Variants in XPNPEP2 observed in about 807,000 individuals in gnomAD.
XPNPEP2 encodes the protein X-prolyl aminopeptidase 2.
In XPNPEP2, 64 loss-of-function variants were observed where a neutral mutation model predicts 59.8. The observed-to-expected ratio is 1.07, with a 90% CI of 0.87 to 1.32. The LOEUF (loss-of-function observed/expected upper bound fraction) is 1.32, where lower values mean the gene tolerates loss of function less well. Ranked by LOEUF, XPNPEP2 falls within the 40% of genes most tolerant of loss-of-function variation. XPNPEP2 has a pLI of 0.00. For missense variants in XPNPEP2, 575 were observed against 546.8 expected, an observed-to-expected ratio of 1.05 and a Z score of -0.51; for synonymous variants, 235 against 210.0, an observed-to-expected ratio of 1.12 and a Z score of -1.03.
At chrX:129,748,776 G>A (rs946869731) in intron 7 of XPNPEP2, among the ~76,000 whole-genome samples, 4 of 111,404 alleles carry the variant, frequency 3.6e-5, no homozygotes, top group African/African-American at 6.5e-5. Context: ...AAGTTATGTC[G>A]GGAAGGGGAA....
chrX:129,745,965 A>C (rs1296734196), intron 4 of XPNPEP2, among the ~76,000 whole-genome samples: 1 of 111,341 alleles, frequency 9.0e-6, no homozygotes, highest in African/African-American at 3.3e-5. Context: ...GAGCGCCTAC[A>C]TGCAGCCAAA....
At position 129,756,996 on chromosome X, in the gene XPNPEP2, C is replaced by CTATATATATATATATATA. The variant is rs61273791; in HGVS notation, c.1367+452_1367+469dup. Among the ~76,000 whole-genome samples, 51 of 70,403 alleles carry CTATATATATATATATATA rather than the reference C, an allele frequency of 7.2e-4. No homozygotes were observed. In the East Asian group the frequency reaches 0.011, roughly 15 times the overall value. 61.1% of individuals were successfully genotyped at this position (70,403 alleles called of 115,157 possible). A position where few individuals can be genotyped will look rare whatever the true frequency, so the allele number is the denominator to read the frequency against. On this transcript the variant is annotated intron_variant, in intron 14 of 20. Transcript: ENST00000371106. ...TACAGGTGTCCACCACCATGCCCAG[C>CTATATATATATATATATA]TATATATATATATATATATATATAT...
chrX:129,759,337 A>C, intron 15 of XPNPEP2, 97 bp downstream of exon 15: 22 of 1,054,367 alleles, frequency 2.1e-5, no homozygotes, highest in Non-Finnish European at 2.9e-5. Context: ...ACTGAAGCTC[A>C]GAGAGGTTAA....
intron 6 of XPNPEP2, 83 bp downstream of exon 6, chrX:129,746,764 G>A: frequency 1.1e-6 from 1 of 870,536 alleles, no homozygotes; most frequent in South Asian, 2.1e-5. Context: ...AATGGACCTT[G>A]GTAGAAGGAG....
At chrX:129,756,131 C>T (rs917832446) in intron 13 of XPNPEP2, among the ~76,000 whole-genome samples, 2 of 112,722 alleles carry the variant, frequency 1.8e-5, no homozygotes, top group African/African-American at 3.2e-5. Flanking sequence ...CGCTTTACCG[C>T]GCATCCTCGT....
chrX:129,744,138 TG>T, intron 3 of XPNPEP2, 67 bp downstream of exon 3: 3 of 982,623 alleles, frequency 3.1e-6, no homozygotes, highest in Non-Finnish European at 4.3e-6. Context: ...AAACAGGAGC[TG>T]TTAAAACTCA....
intron 19 of XPNPEP2, among the ~76,000 whole-genome samples, chrX:129,765,060 G>T (rs193274219): frequency 8.9e-6 from 1 of 112,316 alleles, no homozygotes; most frequent in African/African-American, 3.2e-5. Context: ...CACACACAGC[G>T]TATGTATCTA....
chrX:129,747,179 G>A (rs1295705564), intron 6 of XPNPEP2, among the ~76,000 whole-genome samples: 1 of 112,545 alleles, frequency 8.9e-6, no homozygotes, highest in Non-Finnish European at 1.9e-5. Context: ...CCCCAAAGGG[G>A]AGTCCTCATG....
chrX:129,758,552 A>G (rs1281897833), intron 14 of XPNPEP2, among the ~76,000 whole-genome samples: 3 of 111,270 alleles, frequency 2.7e-5, no homozygotes, highest in Admixed American at 1.9e-4. Context: ...ACTGGAACTC[A>G]GCAAGTCACT....
rs1390357648 is a variant in XPNPEP2, at chrX:129,742,126, C to A, written c.68C>A (p.Thr23Lys). Residue 23 changes from threonine to lysine, a missense_variant, in exon 2 of 21, where the codon ACA (threonine) becomes AAA (lysine). By Grantham distance (78) the Thr-to-Lys change is moderately conservative. Transcript: ENST00000371106. Reference sequence around the variant, plus strand: ...CTTCTAGCTTGTGCCTGGGGCCACACAAAGCCAGTGGACCTTGGAGGGCAG... The same window carrying A: ...CTTCTAGCTTGTGCCTGGGGCCACAAAAAGCCAGTGGACCTTGGAGGGCAG... ...VLLCACAWGH[T>K]KPVDLGGQDV... 2.5e-6 allele frequency: 3 copies of A among 1,211,047 alleles called. No individual in the cohort carries two copies. The highest frequency in any genetic ancestry group is 4.3e-5 in the Admixed American group (2 of 46,065).
At position 129,762,732 on chromosome X, in the gene XPNPEP2, C is replaced by G. The variant is rs759709597; in HGVS notation, c.1702C>G (p.Leu568Val). ...YYKDGEFGIRLEDVALVVEAK... is the reference protein window; with the variant it reads ...YYKDGEFGIRVEDVALVVEAK... Reference sequence around the variant, plus strand: ...TAAGGATGGAGAATTTGGGATCCGTCTCGAAGATGTGGCTCTCGTGGTAGA... The same window carrying G: ...TAAGGATGGAGAATTTGGGATCCGTGTCGAAGATGTGGCTCTCGTGGTAGA... Residue 568 changes from leucine to valine, a missense_variant, in exon 19 of 21, where the codon CTC (leucine) becomes GTC (valine). Leu to Val is a conservative substitution (Grantham distance 32, BLOSUM62 1). Coordinates refer to ENST00000371106, the MANE Select transcript of XPNPEP2 (RefSeq NM_003399.6). 1 of 1,211,916 alleles carries G rather than the reference C, an allele frequency of 8.3e-7. No homozygotes were observed. Among genetic ancestry groups the G allele is most frequent in the Admixed American group, 2.2e-5 (1 of 46,036 alleles).
chrX:129,768,272 C>G lies in XPNPEP2; in HGVS notation c.1831-19C>G. On this transcript the variant is annotated intron_variant, in intron 20 of 20. Coordinates refer to ENST00000371106, the MANE Select transcript of XPNPEP2 (RefSeq NM_003399.6). Reference sequence around the variant, plus strand: ...GCAGCTTGGCTTAGAGAGGCTGTCACCCCTTCTATCCTTCGCAGCTCCAGT... The same window carrying G: ...GCAGCTTGGCTTAGAGAGGCTGTCAGCCCTTCTATCCTTCGCAGCTCCAGT... 8.8e-7 allele frequency: 1 copy of G among 1,139,412 alleles called. No homozygotes were observed. Among genetic ancestry groups the G allele is most frequent in the Non-Finnish European group, 1.2e-6 (1 of 859,989 alleles). The allele number at this position is 1,139,412 out of a possible 1,213,427, so 93.9% of individuals were successfully genotyped here. A position where few individuals can be genotyped will look rare whatever the true frequency, so the allele number is the denominator to read the frequency against.
chrX:129,765,008 AG>A (rs1478868327), intron 19 of XPNPEP2, among the ~76,000 whole-genome samples: 1 of 112,052 alleles, frequency 8.9e-6, no homozygotes, highest in Non-Finnish European at 1.9e-5. Flanking sequence ...GGGAAAAAAA[AG>A]TCTCTTTCTT....
chrX:129,762,993 C>T (rs1168496523), intron 19 of XPNPEP2, among the ~76,000 whole-genome samples: 2 of 112,223 alleles, frequency 1.8e-5, no homozygotes, highest in Non-Finnish European at 3.8e-5. Context: ...TGCCCATGCC[C>T]AGGCCCCATT....
intron 3 of XPNPEP2, among the ~76,000 whole-genome samples, chrX:129,744,330 C>T (rs1926254906): frequency 8.9e-6 from 1 of 112,224 alleles, no homozygotes. Flanking sequence ...TTCATCAATT[C>T]CCAGAAGGCA....
At chrX:129,742,868 C>T (rs751609633) in intron 2 of XPNPEP2, among the ~76,000 whole-genome samples, 24 of 112,091 alleles carry the variant, frequency 2.1e-4, no homozygotes, top group African/African-American at 7.8e-4. Context: ...TGCCACTGCA[C>T]TCCAGTCTGG....
rs774724468 is a variant in XPNPEP2, at chrX:129,759,183, C to A, written c.1371C>A (p.Asp457Glu). ...YLLDSGGQYWDGTTDITRTVH... is the reference protein window; with the variant it reads ...YLLDSGGQYWEGTTDITRTVH... The stretch of plus-strand genomic sequence containing the variant: ...TGTTGGTTTTCCTTCTCCATAGGGA[C>A]GGGACCACAGACATCACCAGAACAG... The change falls in exon 15 of 21, where the codon GAC (aspartate) becomes GAA (glutamate). Residue 457 changes from aspartate to glutamate, a missense_variant. Transcript: ENST00000371106. 50 of 1,209,934 alleles carry A rather than the reference C, an allele frequency of 4.1e-5. No homozygotes were observed. The highest frequency in any genetic ancestry group is 5.1e-5 in the Non-Finnish European group (46 of 895,226).
chrX:129,747,559 T>G, intron 6 of XPNPEP2, 48 bp from the exon 7 acceptor site: 1 of 1,196,145 alleles, frequency 8.4e-7, no homozygotes, highest in Non-Finnish European at 1.1e-6. Context: ...AATTTTTTCC[T>G]GGGGTGTAAA....
intron 15 of XPNPEP2, among the ~76,000 whole-genome samples, chrX:129,759,682 G>T (rs1344425206): frequency 4.4e-5 from 5 of 112,935 alleles, no homozygotes; most frequent in Non-Finnish European, 5.6e-5. Context: ...CCCTGGGGGT[G>T]GAGCAGCGAG....
Sources: allele counts gnomAD v4.1 joint callset (sites outside exome capture counted in the v4.1 genomes callset), GRCh38; gene constraint gnomAD v4.1.1; transcripts MANE v1.5; gene names NCBI Gene and HGNC (gene_info 2026-07-23, HGNC 2026-07-21).